ZNF385B: variants seen among roughly 807,000 people sequenced by gnomAD.
ZNF385B encodes zinc finger protein 385B, also known as zinc finger protein 533.
A neutral mutation model predicts 39.2 loss-of-function variants in ZNF385B; 23 were observed. The ratio of observed to expected loss-of-function variants is 0.59; its 90% confidence interval spans 0.42 to 0.83. The LOEUF (loss-of-function observed/expected upper bound fraction) is 0.83, where lower values mean the gene tolerates loss of function less well. Among genes scored for constraint, ZNF385B ranks in the 40% least tolerant of loss-of-function variants. The probability of loss-of-function intolerance (pLI) is 0.00; values close to 1 mark genes in which losing one functional copy is unlikely to be tolerated. For missense variants in ZNF385B, 552 were observed against 598.9 expected (o/e 0.92, Z 0.82); for synonymous variants, 205 against 222.6 (o/e 0.92, Z 0.70).
intron 3 of ZNF385B, among the ~76,000 whole-genome samples, chr2:179,591,714 C>G (rs1687580667): frequency 6.6e-6 from 1 of 152,136 alleles, no homozygotes; most frequent in South Asian, 2.1e-4. Flanking sequence ...ATTAGATTCT[C>G]TCTTTTTTCC....
rs770082434 is a variant in ZNF385B, at chr2:179,492,948, T to C, written c.553-9514A>G. ...ACTAGAAGTTTTCATTCAAAATTAA[T>C]TGGGTCAATCTTCCACATATAAGAG... On this transcript the variant is annotated intron_variant, in intron 5 of 9. Coordinates refer to ENST00000410066, the MANE Select transcript of ZNF385B (RefSeq NM_152520.6). Among the ~76,000 whole-genome samples the C allele has an allele frequency of 4.6e-5, 7 of 152,202 alleles. No individual in the cohort carries two copies. In the East Asian group the frequency reaches 1.4e-3, roughly 29 times the overall value.
chr2:179,447,978 CTT>C (rs60384026), intron 6 of ZNF385B, among the ~76,000 whole-genome samples: 17,301 of 145,514 alleles, frequency 0.12, 1,323 homozygotes, highest in East Asian at 0.35. Flanking sequence ...GATTTCCATC[CTT>C]TTTTTTTTTT....
At chr2:179,841,085 T>C (rs1708510559) in intron 1 of ZNF385B, among the ~76,000 whole-genome samples, 1 of 152,246 alleles carries the variant, frequency 6.6e-6, no homozygotes, top group South Asian at 2.1e-4. Context: ...CAAAACTTCT[T>C]TCAGTCTGCT....
intron 3 of ZNF385B, among the ~76,000 whole-genome samples, chr2:179,681,854 T>G (rs1697545596): frequency 1.3e-5 from 2 of 152,240 alleles, no homozygotes. Flanking sequence ...AAAATGTGCA[T>G]GACTTATGGC....
At chr2:179,609,247 A>G (rs868145089) in intron 3 of ZNF385B, among the ~76,000 whole-genome samples, 3 of 151,730 alleles carry the variant, frequency 2.0e-5, no homozygotes, top group Middle Eastern at 3.4e-3. Context: ...TCTGGTGACC[A>G]CTCATCATTC....
intron 1 of ZNF385B, among the ~76,000 whole-genome samples, chr2:179,832,204 C>G (rs1000780952): frequency 4.7e-4 from 72 of 152,300 alleles, no homozygotes; most frequent in African/African-American, 1.7e-3. Flanking sequence ...ACCACGCCCT[C>G]TCCCCCTCCT....
intron 3 of ZNF385B, among the ~76,000 whole-genome samples, chr2:179,680,969 G>A (rs1697458969): frequency 6.6e-6 from 1 of 151,952 alleles, no homozygotes; most frequent in African/African-American, 2.4e-5. Flanking sequence ...CTAGAAAGTG[G>A]CAGTGTTAAG....
chr2:179,849,458 A>G (rs1322272892), intron 1 of ZNF385B, among the ~76,000 whole-genome samples: 1 of 152,220 alleles, frequency 6.6e-6, no homozygotes, highest in Non-Finnish European at 1.5e-5. Context: ...AAGGAGTTGC[A>G]TAATAGCTGG....
intron 3 of ZNF385B, among the ~76,000 whole-genome samples, chr2:179,743,033 A>G (rs1165507163): frequency 6.6e-6 from 1 of 152,030 alleles, no homozygotes; most frequent in East Asian, 1.9e-4. Context: ...TGAATGTCCT[A>G]TGTTCTATGT....
At chr2:179,493,626 T>C (rs371227450) in intron 5 of ZNF385B, among the ~76,000 whole-genome samples, 9,100 of 117,146 alleles carry the variant, frequency 0.078, 422 homozygotes, top group South Asian at 0.2. Flanking sequence ...CATATATGTA[T>C]ACGCATATGT....
intron 3 of ZNF385B, among the ~76,000 whole-genome samples, chr2:179,670,466 A>G (rs191612393): frequency 8.0e-6 from 1 of 125,622 alleles, no homozygotes; most frequent in East Asian, 2.3e-4. Flanking sequence ...GAGCATGGAT[A>G]GCAGTAGAAC....
chr2:179,708,131 G>T (rs115029345), intron 3 of ZNF385B, among the ~76,000 whole-genome samples: 1 of 152,342 alleles, frequency 6.6e-6, no homozygotes, highest in African/African-American at 2.4e-5. Context: ...GTTTGGCTCT[G>T]TGTCCCCACC....
chr2:179,751,615 TGAATGTA>T (rs72449369), intron 3 of ZNF385B, among the ~76,000 whole-genome samples: 9,661 of 152,130 alleles, frequency 0.064, 592 homozygotes, highest in Admixed American at 0.2. Flanking sequence ...AACTGTTTCT[TGAATGTA>T]GAATAGGAAT....
chr2:179,463,664 C>T (rs2051626804), intron 6 of ZNF385B, among the ~76,000 whole-genome samples: 1 of 152,140 alleles, frequency 6.6e-6, no homozygotes, highest in Non-Finnish European at 1.5e-5. Context: ...TCATCTATGT[C>T]CCTGCAAAGG....
In ZNF385B at chr2:179,839,265, C is replaced by G. The variant is rs957658844; in HGVS notation, c.-155+21836G>C. Among the ~76,000 whole-genome samples the G allele has an allele frequency of 2.0e-5, 3 of 152,128 alleles. No individual in the cohort carries two copies. The East Asian group carries it at 5.8e-4, about 29-fold the overall frequency. On this transcript the variant is annotated intron_variant, in intron 1 of 9. Coordinates refer to ENST00000410066, the MANE Select transcript of ZNF385B (RefSeq NM_152520.6). The stretch of plus-strand genomic sequence containing the variant: ...GGTCTTTGCACTCCAATTAACCTCC[C>G]AACATACCTAATCTCGAGGACCTTA...
chr2:179,719,171 A>G (rs1161186111), intron 3 of ZNF385B, among the ~76,000 whole-genome samples: 1 of 151,944 alleles, frequency 6.6e-6, no homozygotes, highest in African/African-American at 2.4e-5. Flanking sequence ...GCCTCCACCC[A>G]TGAGCCCACC....
At chr2:179,642,446 A>G (rs1692351673) in intron 3 of ZNF385B, among the ~76,000 whole-genome samples, 2 of 152,032 alleles carry the variant, frequency 1.3e-5, no homozygotes, top group African/African-American at 4.8e-5. Context: ...CTGTCTCAAC[A>G]ACTCCATTCC....
Position 179,461,155 on chromosome 2 carries a change from G to A in ZNF385B, c.716-14385C>T, listed in dbSNP as rs114975193. Among the ~76,000 whole-genome samples, 1,515 of 152,280 alleles carry A rather than the reference G, an allele frequency of 9.9e-3. 24 individuals carry two copies. The highest frequency in any genetic ancestry group is 0.011 in the Non-Finnish European group (764 of 68,020). ...GTCTGATTGCAGGATGTGAGGTGGA[G>A]GAGTTGGAGGCACCAGATCACATAC... On this transcript the variant is annotated intron_variant, in intron 6 of 9. Coordinates refer to ENST00000410066, the MANE Select transcript of ZNF385B (RefSeq NM_152520.6).
chr2:179,781,044 A>G (rs149263711), intron 1 of ZNF385B, among the ~76,000 whole-genome samples: 1 of 152,338 alleles, frequency 6.6e-6, no homozygotes, highest in African/African-American at 2.4e-5. Flanking sequence ...GCATTTTCAT[A>G]TTACAAAACT....
Sources: allele counts gnomAD v4.1 joint callset (sites outside exome capture counted in the v4.1 genomes callset), GRCh38; gene constraint gnomAD v4.1.1; transcripts MANE v1.5; gene names NCBI Gene and HGNC (gene_info 2026-07-23, HGNC 2026-07-21).